The following NRDC variants were observed in gnomAD, a reference collection of about 807,000 sequenced individuals.
NRDC encodes nardilysin.
Under a neutral mutation model 147.1 loss-of-function variants are expected in NRDC, and 54 were observed. That is an observed-to-expected ratio of 0.37 (90% CI 0.29 to 0.46). The LOEUF is 0.46. NRDC is among the 20% of genes least tolerant of loss of function. The pLI is 1.00. For missense variants in NRDC, 1,082 were observed against 1,370.6 expected (o/e 0.79, Z 3.33); for synonymous variants, 440 against 482.1 (o/e 0.91, Z 1.14).
chr1:51,816,451 T>C (rs1679971411), intron 10 of NRDC, 62 bp from the exon 11 acceptor site: 1 of 847,772 alleles, frequency 1.2e-6, no homozygotes, highest in South Asian at 2.2e-5. Flanking sequence ...CCAGAAAATC[T>C]TACCTCTAAG....
intron 6 of NRDC, 45 bp from the exon 7 acceptor site, chr1:51,823,831 T>G: frequency 7.0e-7 from 1 of 1,424,236 alleles, no homozygotes; most frequent in Non-Finnish European, 9.7e-7. Context: ...AAGTTAACTT[T>G]GTTAAAAGTC....
chr1:51,836,254 A>C (rs757707133), intron 2 of NRDC, 42 bp from the exon 3 acceptor site: 2 of 1,594,018 alleles, frequency 1.3e-6, no homozygotes, highest in Non-Finnish European at 8.6e-7. Flanking sequence ...AGTCAACCCT[A>C]AAGGAATAAT....
At chr1:51,877,431 C>T (rs1000229074) in intron 1 of NRDC, among the ~76,000 whole-genome samples, 2 of 152,096 alleles carry the variant, frequency 1.3e-5, no homozygotes, top group Non-Finnish European at 2.9e-5. Context: ...GAGGCCAAGA[C>T]AGGAGGATTC....
At chr1:51,808,257 C>G (rs1679556943) in intron 17 of NRDC, among the ~76,000 whole-genome samples, 1 of 152,176 alleles carries the variant, frequency 6.6e-6, no homozygotes, top group African/African-American at 2.4e-5. Context: ...ATTTTCATCA[C>G]CCCAAAAGGA....
chr1:51,839,452 T>C (rs1240341848), intron 2 of NRDC, among the ~76,000 whole-genome samples: 1 of 152,138 alleles, frequency 6.6e-6, no homozygotes, highest in Non-Finnish European at 1.5e-5. Flanking sequence ...ATGTTGAATA[T>C]ATTATCAATA....
intron 1 of NRDC, among the ~76,000 whole-genome samples, chr1:51,873,503 A>G (rs1683184961): frequency 1.3e-5 from 2 of 149,792 alleles, no homozygotes; most frequent in Admixed American, 6.7e-5. Flanking sequence ...TTATTTATTT[A>G]TTTATTTATT....
At position 51,814,047 on chromosome 1, in the gene NRDC, A is replaced by T; in HGVS notation, c.1662T>A (p.His554Gln). The T allele has an allele frequency of 6.2e-7, 1 of 1,603,446 alleles. No individual in the cohort carries two copies. The highest frequency in any genetic ancestry group is 8.5e-7 in the Non-Finnish European group (1 of 1,170,626). Residue 554 changes from histidine (H) to glutamine (Q), a missense_variant, in exon 14 of 31, where the codon CAT becomes CAA. Physicochemically the swap from His to Gln is conservative, Grantham distance 24. Around this residue, in one of 3 missense-constraint regions of NRDC, gnomAD observed 635 missense variants for 923.8 expected, o/e 0.69. Coordinates refer to ENST00000352171, the MANE Select transcript of NRDC (RefSeq NM_001101662.2). Reference sequence around the variant, plus strand: ...TGACTTCCAGTACCTGTTCTTGGTAATGAAATTCATTATCCTCAATTTTCC... The same window carrying T: ...TGACTTCCAGTACCTGTTCTTGGTATTGAAATTCATTATCCTCAATTTTCC... ...EIRKIEDNEFHYQEQTDPVEY... is the reference protein window; with the variant it reads ...EIRKIEDNEFQYQEQTDPVEY...
chr1:51,817,757 C>G (rs1223814010), intron 10 of NRDC, among the ~76,000 whole-genome samples: 1 of 152,160 alleles, frequency 6.6e-6, no homozygotes, highest in African/African-American at 2.4e-5. Flanking sequence ...GTTGGCCAGT[C>G]TGCCAGGCCC....
At chr1:51,853,600 T>C (rs1457569376) in intron 1 of NRDC, among the ~76,000 whole-genome samples, 2 of 152,178 alleles carry the variant, frequency 1.3e-5, no homozygotes, top group African/African-American at 2.4e-5. Context: ...ATCTCTCTCT[T>C]TAGGAATTCT....
intron 1 of NRDC, among the ~76,000 whole-genome samples, chr1:51,877,664 G>A (rs1034379062): frequency 4.6e-5 from 7 of 152,194 alleles, no homozygotes; most frequent in Middle Eastern, 3.2e-3. Context: ...TTCAAGGTTA[G>A]AAGAAACCTT....
intron 1 of NRDC, among the ~76,000 whole-genome samples, chr1:51,846,536 G>A (rs1681606461): frequency 6.6e-6 from 1 of 152,256 alleles, no homozygotes; most frequent in African/African-American, 2.4e-5. Context: ...GTTCTTAAAA[G>A]CGGCTTGTTT....
At chr1:51,866,602 G>A (rs569679858) in intron 1 of NRDC, among the ~76,000 whole-genome samples, 1 of 151,606 alleles carries the variant, frequency 6.6e-6, no homozygotes, top group East Asian at 1.9e-4. Flanking sequence ...TAATAACGAT[G>A]TATTCATCAA....
intron 1 of NRDC, among the ~76,000 whole-genome samples, chr1:51,872,341 C>A (rs1331827139): frequency 2.0e-5 from 3 of 152,170 alleles, no homozygotes; most frequent in African/African-American, 7.2e-5. Flanking sequence ...CAGACATACA[C>A]ACACACACAC....
intron 2 of NRDC, among the ~76,000 whole-genome samples, chr1:51,838,854 A>G (rs559003861): frequency 6.6e-6 from 1 of 152,284 alleles, no homozygotes; most frequent in African/African-American, 2.4e-5. Context: ...CATACAGACT[A>G]TCAAGTGACA....
intron 1 of NRDC, among the ~76,000 whole-genome samples, chr1:51,861,613 T>G (rs1682548362): frequency 1.3e-5 from 2 of 152,224 alleles, no homozygotes; most frequent in Admixed American, 6.5e-5. Flanking sequence ...CCCAAAGTGC[T>G]AGGATTACAA....
intron 1 of NRDC, among the ~76,000 whole-genome samples, chr1:51,853,928 A>C (rs1248145587): frequency 6.6e-6 from 1 of 152,216 alleles, no homozygotes; most frequent in Non-Finnish European, 1.5e-5. Context: ...AGTTATGCAT[A>C]TCAATCTTGC....
intron 7 of NRDC, among the ~76,000 whole-genome samples, chr1:51,821,764 C>T (rs1557911944): frequency 6.6e-6 from 1 of 151,996 alleles, no homozygotes; most frequent in Non-Finnish European, 1.5e-5. Flanking sequence ...TTTGTGAGAC[C>T]CCTTTATTTC....
Position 51,810,333 on chromosome 1 carries a change from C to T in NRDC, c.1851G>A (p.Glu617=). 1 of 1,611,732 alleles carries T rather than the reference C, an allele frequency of 6.2e-7. No individual in the cohort carries two copies. Among genetic ancestry groups the T allele is most frequent in the Non-Finnish European group, 8.5e-7 (1 of 1,178,506 alleles). The change falls in exon 16 of 31, where the codon GAG becomes GAA. Residue 617 remains glutamate (E), a synonymous_variant. Coordinates refer to ENST00000352171, the MANE Select transcript of NRDC (RefSeq NM_001101662.2). ...ANLVLLSGAN[E]GKCDLKEKWF... ...ATTTCTCCTTGAGGTCACATTTTCCCTCATTAGCACCAGACAGTAAAACAA... is the reference window on the plus strand; with the variant it reads ...ATTTCTCCTTGAGGTCACATTTTCCTTCATTAGCACCAGACAGTAAAACAA...
intron 21 of NRDC, among the ~76,000 whole-genome samples, chr1:51,799,551 G>C (rs559609598): frequency 6.6e-6 from 1 of 152,226 alleles, no homozygotes; most frequent in East Asian, 1.9e-4. Context: ...CCTTTACGCT[G>C]TTCACTATTT....
Sources: gnomAD v4.1 joint callset for allele counts (sites outside exome capture counted in the v4.1 genomes callset) on GRCh38, gnomAD v4.1.1 for gene constraint, gnomAD v4.1.1 regional missense constraint, MANE v1.5 for transcripts, NCBI Gene and HGNC (gene_info 2026-07-23, HGNC 2026-07-21) for gene names.